Variants in UTP3 observed in about 807,000 individuals in gnomAD.
UTP3 encodes something about silencing protein 10.
A neutral mutation model predicts 37.9 loss-of-function variants in UTP3; 19 were observed. The ratio of observed to expected loss-of-function variants is 0.50; its 90% CI spans 0.35 to 0.74. UTP3 has a LOEUF of 0.74. UTP3 is among the 30% of genes least tolerant of loss of function. UTP3 has a pLI of 0.01. For synonymous variants in UTP3, 242 were observed against 218.5 expected, an observed-to-expected ratio of 1.11 and a Z score of -0.95; for missense variants, 504 against 570.7, an observed-to-expected ratio of 0.88 and a Z score of 1.19.
rs1577846326 is a variant in UTP3, at chr4:70,689,092, A to G, written c.415A>G (p.Thr139Ala). ...TCAGAGGAAAAAACTTTACTATGAC[A>G]CGGACTATGGTTCCAAGTCCCGAGG... Reference protein sequence around the residue: ...WGQRKKLYYDTDYGSKSRGRQ... With the variant: ...WGQRKKLYYDADYGSKSRGRQ... Residue 139 changes from threonine (T) to alanine (A), a missense_variant, in exon 1 of 1, where the codon ACG becomes GCG. Thr to Ala is a moderately conservative substitution (Grantham distance 58). Coordinates refer to ENST00000254803, the MANE Select transcript of UTP3 (RefSeq NM_020368.3). The G allele has an allele frequency of 6.2e-6, 10 of 1,610,890 alleles. No individual in the cohort carries two copies. In the South Asian group the frequency reaches 9.9e-5, roughly 16 times the overall value.
rs1373947698 is a variant in UTP3, at chr4:70,688,791, A to G, written c.114A>G (p.Pro38=). 3.7e-6 allele frequency: 6 copies of G among 1,614,196 alleles called. No individual in the cohort carries two copies. Among genetic ancestry groups the G allele is most frequent in the Middle Eastern group, 1.6e-4 (1 of 6,062 alleles). The change falls in exon 1 of 1, where the codon CCA becomes CCG. Residue 38 remains proline, a synonymous_variant. Coordinates refer to ENST00000254803, the MANE Select transcript of UTP3 (RefSeq NM_020368.3). ...NGDDLGLPPS[P]GDTSYYQDQV... ...ATGATTTAGGATTGCCACCCTCACC[A>G]GGGGACACCAGCTACTACCAAGATC...
Position 70,689,052 on chromosome 4 carries a change from C to T in UTP3, c.375C>T (p.Pro125=). The T allele has an allele frequency of 6.3e-7, 1 of 1,591,060 alleles. No individual in the cohort carries two copies. The highest frequency in any genetic ancestry group is 8.6e-7 in the Non-Finnish European group (1 of 1,167,704). Residue 125 remains proline, a synonymous_variant, in exon 1 of 1, where the codon CCC becomes CCT. Transcript: ENST00000254803. ...GTGAAGCTGAGGCCTCTGTGGATCC[C>T]AGTTTGTCGTGGGGTCAGAGGAAAA... The part of the protein sequence containing the change: ...VQSEAEASVD[P]SLSWGQRKKL...
rs1474155337 is a variant in UTP3 at position 70,688,674 on chromosome 4, A to G, written c.-4A>G. 1 of 1,610,658 alleles carries G rather than the reference A, an allele frequency of 6.2e-7. No homozygotes were observed. The highest frequency in any genetic ancestry group is 1.7e-5 in the Admixed American group (1 of 59,750). On this transcript the variant is annotated 5_prime_UTR_variant, in exon 1 of 1. Coordinates refer to ENST00000254803, the MANE Select transcript of UTP3 (RefSeq NM_020368.3). ...AGTCGCTGTAAAACCTGAGATTGTGAGCCATGGTGGGGAGATCCCGGCGGC... is the reference window on the plus strand; with the variant it reads ...AGTCGCTGTAAAACCTGAGATTGTGGGCCATGGTGGGGAGATCCCGGCGGC...
chr4:70,688,965 G>T lies in UTP3; in HGVS notation c.288G>T (p.Gly96=). 1 of 1,604,550 alleles carries T rather than the reference G, an allele frequency of 6.2e-7. No homozygotes were observed. The highest frequency in any genetic ancestry group is 8.5e-7 in the Non-Finnish European group (1 of 1,174,140). Residue 96 remains glycine (G), a synonymous_variant, in exon 1 of 1, where the codon GGG becomes GGT. Transcript: ENST00000254803. ...DMDDEDDEDG[G]NAGEEEEEEN... ...ACGATGAGGACGACGAAGATGGAGG[G>T]AATGCGGGGGAGGAGGAGGAGGAGG...
chr4:70,689,408 T>C lies in UTP3; in HGVS notation c.731T>C (p.Leu244Pro), dbSNP rs1739574957. 7 of 1,614,180 alleles carry C rather than the reference T, an allele frequency of 4.3e-6. No homozygotes were observed. The highest frequency in any genetic ancestry group is 5.1e-6 in the Non-Finnish European group (6 of 1,180,030). ...KVKLTEVKDE[L>P]EPLLELVEQG... ...AAGTTGACAGAGGTTAAGGATGAGC[T>C]GGAGCCATTGTTAGAGTTGGTGGAA... The change falls in exon 1 of 1, where the codon CTG (leucine) becomes CCG (proline). Residue 244 changes from leucine to proline, a missense_variant. Coordinates refer to ENST00000254803, the MANE Select transcript of UTP3 (RefSeq NM_020368.3).
In UTP3 at chr4:70,690,298, A is replaced by G; in HGVS notation, c.*181A>G. 1 of 551,542 alleles carries G rather than the reference A, an allele frequency of 1.8e-6. No individual in the cohort carries two copies. The highest frequency in any genetic ancestry group is 2.8e-6 in the Non-Finnish European group (1 of 355,430). The allele number at this position is 551,542 out of a possible 1,614,324, so 34.2% of individuals were successfully genotyped here. On this transcript the variant is annotated 3_prime_UTR_variant, in exon 1 of 1. Transcript: ENST00000254803. ...GGAGCAATATGAAGGTGCTTGAGAA[A>G]AGAGATGATGTTGAAGTTTTCCAAT... is the stretch of plus-strand genomic sequence containing the variant.
chr4:70,688,695 G>C lies in UTP3; in HGVS notation c.18G>C (p.Arg6=). ...TGTGAGCCATGGTGGGGAGATCCCG[G>C]CGGCGCGGAGCAGCTAAGTGGGCAG... MVGRS[R]RRGAAKWAAV... is the part of the protein sequence containing the mutation. The change falls in exon 1 of 1, where the codon CGG becomes CGC. Residue 6 remains arginine, a synonymous_variant. Coordinates refer to ENST00000254803, the MANE Select transcript of UTP3 (RefSeq NM_020368.3). The C allele has an allele frequency of 6.2e-7, 1 of 1,613,342 alleles. No homozygotes were observed. The highest frequency in any genetic ancestry group is 8.5e-7 in the Non-Finnish European group (1 of 1,179,876).
In UTP3 at chr4:70,689,161, G is replaced by A. The variant is rs761451394; in HGVS notation, c.484G>A (p.Glu162Lys). The change falls in exon 1 of 1, where the codon GAG becomes AAG. Residue 162 changes from glutamate (E) to lysine (K), a missense_variant. By Grantham distance (56) the Glu-to-Lys change is moderately conservative (BLOSUM62 1). Coordinates refer to ENST00000254803, the MANE Select transcript of UTP3 (RefSeq NM_020368.3). ...GGCAGAGGAGGAGGAAAGAGAGGAG[G>A]AGGAGGAGGCACAGATCATTCAGCG... ...QEAEEEEREE[E>K]EEAQIIQRRL... is the part of the protein sequence containing the mutation. 1 of 1,614,110 alleles carries A rather than the reference G, an allele frequency of 6.2e-7. No homozygotes were observed. Among genetic ancestry groups the A allele is most frequent in the Non-Finnish European group, 8.5e-7 (1 of 1,180,018 alleles).
chr4:70,689,739 T>C lies in UTP3; in HGVS notation c.1062T>C (p.Thr354=). The C allele has an allele frequency of 6.2e-7, 1 of 1,614,226 alleles. No homozygotes were observed. Among genetic ancestry groups the C allele is most frequent in the Non-Finnish European group, 8.5e-7 (1 of 1,180,038 alleles). The change falls in exon 1 of 1, where the codon ACT becomes ACC. Residue 354 remains threonine (T), a synonymous_variant. Transcript: ENST00000254803. ...TKPKPKSVSK[T]SAAACAVTDL... ...CCAAACCAAAGTCTGTTTCAAAGACTTCTGCTGCTGCCTGTGCTGTTACAG... is the reference window on the plus strand; with the variant it reads ...CCAAACCAAAGTCTGTTTCAAAGACCTCTGCTGCTGCCTGTGCTGTTACAG...
In UTP3 at chr4:70,689,130, A is replaced by G; in HGVS notation, c.453A>G (p.Gln151=). The G allele has an allele frequency of 6.2e-7, 1 of 1,613,716 alleles. No homozygotes were observed. The highest frequency in any genetic ancestry group is 8.5e-7 in the Non-Finnish European group (1 of 1,179,868). Residue 151 remains glutamine, a synonymous_variant, in exon 1 of 1, where the codon CAA becomes CAG. Transcript: ENST00000254803. The part of the protein sequence containing the change: ...YGSKSRGRQS[Q]QEAEEEEREE... ...CCAAGTCCCGAGGCCGGCAGAGTCA[A>G]CAGGAGGCAGAGGAGGAGGAAAGAG...
In UTP3 at chr4:70,688,624, A is replaced by T; in HGVS notation, c.-54A>T. ...ACCGGAGCGCCTGATTCCTGCGCCG[A>T]AGTCAGTGGTGGCCGAAAGTCCGGA... On this transcript the variant is annotated 5_prime_UTR_variant, in exon 1 of 1. Transcript: ENST00000254803. 1.3e-6 allele frequency: 2 copies of T among 1,534,346 alleles called. No individual in the cohort carries two copies. Among genetic ancestry groups the T allele is most frequent in the Non-Finnish European group, 1.8e-6 (2 of 1,138,380 alleles).
In UTP3 at chr4:70,689,357, T is replaced by TG. The variant is rs1336314175; in HGVS notation, c.682dup (p.Glu228GlyfsTer14). The stretch of plus-strand genomic sequence containing the variant: ...TTGCGAAAGGAATCACCAGAACTCT[T>TG]GGAGCTGATAGAAGACCTGAAAGTC... On this transcript the variant is annotated frameshift_variant, in exon 1 of 1. Coordinates refer to ENST00000254803, the MANE Select transcript of UTP3 (RefSeq NM_020368.3). LOFTEE classifies it high-confidence loss of function. The TG allele has an allele frequency of 1.2e-6, 2 of 1,614,158 alleles. No homozygotes were observed. Among genetic ancestry groups the TG allele is most frequent in the African/African-American group, 1.3e-5 (1 of 75,030 alleles).
At position 70,689,911 on chromosome 4, in the gene UTP3, A is replaced by G. The variant is rs1235178242; in HGVS notation, c.1234A>G (p.Thr412Ala). 3.7e-6 allele frequency: 6 copies of G among 1,613,830 alleles called. No homozygotes were observed. Among genetic ancestry groups the G allele is most frequent in the Non-Finnish European group, 5.1e-6 (6 of 1,180,002 alleles). ...LEDQNAKRAI[T>A]YQIAKNRGLT... ...AGATCAAAATGCAAAGAGAGCTATT[A>G]CCTATCAAATTGCTAAAAATAGGGG... The change falls in exon 1 of 1, where the codon ACC becomes GCC. Residue 412 changes from threonine to alanine, a missense_variant. Transcript: ENST00000254803.
In UTP3 at chr4:70,689,658, A is replaced by C. The variant is rs759049184; in HGVS notation, c.981A>C (p.Thr327=). Residue 327 remains threonine, a synonymous_variant, in exon 1 of 1, where the codon ACA becomes ACC. Transcript: ENST00000254803. ...CCTCAGAAATTCGTCATCTGTTGACACTTAAGGATGATGCTGTAAAGAAAG... is the reference window on the plus strand; with the variant it reads ...CCTCAGAAATTCGTCATCTGTTGACCCTTAAGGATGATGCTGTAAAGAAAG... ...KLSSEIRHLL[T]LKDDAVKKEL... The C allele has an allele frequency of 3.7e-5, 60 of 1,614,104 alleles. No individual in the cohort carries two copies. Among genetic ancestry groups the C allele is most frequent in the East Asian group, 6.7e-5 (3 of 44,900 alleles).
rs1393479795 is a variant in UTP3 at position 70,688,877 on chromosome 4, TAC to T, written c.202_203del (p.Gln68GlufsTer22). 1 of 1,613,654 alleles carries T rather than the reference TAC, an allele frequency of 6.2e-7. No individual in the cohort carries two copies. Among genetic ancestry groups the T allele is most frequent in the South Asian group, 1.1e-5 (1 of 91,042 alleles). On this transcript the variant is annotated frameshift_variant, in exon 1 of 1. Transcript: ENST00000254803. LOFTEE classifies it high-confidence loss of function. ...GCCTTAGCTAAGGGCTGGAATGAAG[TAC>T]AGAGTGGAGACGAGGAGGATGGCGA... is the stretch of plus-strand genomic sequence containing the variant.
chr4:70,690,014 G>A lies in UTP3; in HGVS notation c.1337G>A (p.Arg446Lys), dbSNP rs1488775946. The change falls in exon 1 of 1, where the codon AGA becomes AAA. Residue 446 changes from arginine to lysine, a missense_variant. Arg to Lys is a conservative substitution (Grantham distance 26). Coordinates refer to ENST00000254803, the MANE Select transcript of UTP3 (RefSeq NM_020368.3). Reference protein sequence around the residue: ...HREKFRRAKIRRRGQVREVRK... With the variant: ...HREKFRRAKIKRRGQVREVRK... ...GAGAAGTTCAGAAGAGCCAAAATTA[G>A]AAGAAGAGGCCAGGTTCGTGAAGTT... The A allele has an allele frequency of 1.9e-6, 3 of 1,613,990 alleles. No individual in the cohort carries two copies. The highest frequency in any genetic ancestry group is 1.1e-5 in the South Asian group (1 of 91,086).
chr4:70,690,035 A>C lies in UTP3; in HGVS notation c.1358A>C (p.Glu453Ala). The stretch of plus-strand genomic sequence containing the variant: ...ATTAGAAGAAGAGGCCAGGTTCGTG[A>C]AGTTCGTAAAGAAGAGCAACGTTAT... ...AKIRRRGQVR[E>A]VRKEEQRYSG... Residue 453 changes from glutamate to alanine, a missense_variant, in exon 1 of 1, where the codon GAA (glutamate) becomes GCA (alanine). Transcript: ENST00000254803. The C allele has an allele frequency of 6.2e-7, 1 of 1,614,142 alleles. No homozygotes were observed. Among genetic ancestry groups the C allele is most frequent in the Non-Finnish European group, 8.5e-7 (1 of 1,180,024 alleles).
Position 70,689,879 on chromosome 4 carries a change from C to G in UTP3, c.1202C>G (p.Ala401Gly). The G allele has an allele frequency of 6.2e-7, 1 of 1,613,978 alleles. No individual in the cohort carries two copies. The highest frequency in any genetic ancestry group is 8.5e-7 in the Non-Finnish European group (1 of 1,180,006). Residue 401 changes from alanine to glycine, a missense_variant, in exon 1 of 1, where the codon GCT (alanine) becomes GGT (glycine). Ala to Gly is a moderately conservative substitution (Grantham distance 60, BLOSUM62 0). Coordinates refer to ENST00000254803, the MANE Select transcript of UTP3 (RefSeq NM_020368.3). ...GAAGAAAATAGCACTGAAGAACAGG[C>G]TCTTGAAGATCAAAATGCAAAGAGA... ...KKEENSTEEQ[A>G]LEDQNAKRAI...
chr4:70,689,939 T>G lies in UTP3; in HGVS notation c.1262T>G (p.Leu421Arg), dbSNP rs111975570. Residue 421 changes from leucine to arginine, a missense_variant, in exon 1 of 1, where the codon CTT (leucine) becomes CGT (arginine). By Grantham distance (102) the Leu-to-Arg change is moderately radical (BLOSUM62 -2). Coordinates refer to ENST00000254803, the MANE Select transcript of UTP3 (RefSeq NM_020368.3). ...ITYQIAKNRG[L>R]TPRRKKIDRN... is the part of the protein sequence containing the mutation. ...TATCAAATTGCTAAAAATAGGGGACTTACTCCTAGGAGAAAGAAGATTGAT... is the reference window on the plus strand; with the variant it reads ...TATCAAATTGCTAAAAATAGGGGACGTACTCCTAGGAGAAAGAAGATTGAT... 1,202 of 1,613,984 alleles carry G rather than the reference T, an allele frequency of 7.4e-4. 7 individuals are homozygous for G. In the African/African-American group the frequency reaches 0.014, roughly 19 times the overall value.
Sources: gnomAD v4.1 joint callset for allele counts on GRCh38, gnomAD v4.1.1 for gene constraint, MANE v1.5 for transcripts, NCBI Gene and HGNC (gene_info 2026-07-23, HGNC 2026-07-21) for gene names.